Variants in MKLN1 observed in about 807,000 individuals in gnomAD.
MKLN1 encodes the protein muskelin 1, also known as muskelin.
Under a neutral mutation model 99.0 loss-of-function variants are expected in MKLN1, and 18 were observed. That is an observed-to-expected ratio of 0.18 (90% CI 0.13 to 0.27). The LOEUF is 0.27. MKLN1 is among the 10% of genes least tolerant of loss of function. MKLN1 has a pLI of 1.00. For missense variants in MKLN1, 621 were observed against 875.9 expected (o/e 0.71, Z 3.67); for synonymous variants, 288 against 293.2 (o/e 0.98, Z 0.18).
chr7:131,466,678 C>T (rs1271673339), intron 15 of MKLN1, among the ~76,000 whole-genome samples: 2 of 152,196 alleles, frequency 1.3e-5, no homozygotes, highest in Non-Finnish European at 2.9e-5. Flanking sequence ...GACATGCCTA[C>T]ATTGAAGTAA....
intron 2 of MKLN1, among the ~76,000 whole-genome samples, chr7:131,164,059 A>G (rs1408305418): frequency 6.6e-6 from 1 of 152,174 alleles, no homozygotes; most frequent in Non-Finnish European, 1.5e-5. Context: ...ATTAGGGGCT[A>G]AAAATGTTGC....
intron 2 of MKLN1, among the ~76,000 whole-genome samples, chr7:131,189,287 AT>A (rs561646149): frequency 2.0e-5 from 3 of 152,056 alleles, no homozygotes; most frequent in South Asian, 2.1e-4. Flanking sequence ...ACAGGGGAGA[AT>A]TTTTTTTAAC....
chr7:131,331,419 A>C (rs1267260754), intron 1 of MKLN1, among the ~76,000 whole-genome samples: 1 of 152,212 alleles, frequency 6.6e-6, no homozygotes, highest in Non-Finnish European at 1.5e-5. Flanking sequence ...GATAAATATT[A>C]TTATTCTATT....
At chr7:131,455,712 T>C (rs1306289502) in intron 12 of MKLN1, among the ~76,000 whole-genome samples, 2 of 152,196 alleles carry the variant, frequency 1.3e-5, no homozygotes, top group Non-Finnish European at 2.9e-5. Flanking sequence ...GTTGCAGGTC[T>C]TTTGTCCTTC....
At chr7:131,464,183 G>A (rs1278466729) in intron 13 of MKLN1, 111 bp from the exon 14 acceptor site, 15 of 545,802 alleles carry the variant, frequency 2.7e-5, no homozygotes, top group South Asian at 2.7e-4. Context: ...CGATGTGAAC[G>A]CATTTCTAAA....
intron 16 of MKLN1, among the ~76,000 whole-genome samples, chr7:131,473,181 C>T (rs534907889): frequency 5.9e-5 from 9 of 152,042 alleles, no homozygotes; most frequent in African/African-American, 1.9e-4. Context: ...TGTATACTCA[C>T]GATATTTGTC....
At chr7:131,453,311 A>T (rs1237416625) in intron 12 of MKLN1, among the ~76,000 whole-genome samples, 1 of 152,258 alleles carries the variant, frequency 6.6e-6, no homozygotes, top group Non-Finnish European at 1.5e-5. Flanking sequence ...AATTTGCCAA[A>T]GTACAGACTA....
At chr7:131,185,409 C>G (rs558449313) in intron 2 of MKLN1, among the ~76,000 whole-genome samples, 10 of 130,598 alleles carry the variant, frequency 7.7e-5, no homozygotes, top group Admixed American at 6.0e-4. Flanking sequence ...GAAACCTCGT[C>G]TCTACTAAAA....
chr7:131,135,456 T>C (rs1795635532), intron 1 of MKLN1, among the ~76,000 whole-genome samples: 1 of 152,154 alleles, frequency 6.6e-6, no homozygotes, highest in Non-Finnish European at 1.5e-5. Context: ...TAGGGACGCA[T>C]CAGAGTGAGA....
intron 2 of MKLN1, among the ~76,000 whole-genome samples, chr7:131,161,760 C>G (rs1420837328): frequency 3.3e-5 from 5 of 151,610 alleles, no homozygotes; most frequent in South Asian, 4.2e-4. Context: ...ACCGTGGTCT[C>G]GATCTCCTGA....
chr7:131,221,013 T>C (rs770329912), intron 3 of MKLN1, among the ~76,000 whole-genome samples: 7 of 152,234 alleles, frequency 4.6e-5, no homozygotes, highest in South Asian at 2.1e-4. Context: ...TTCATGCATA[T>C]GAAGTCAATT....
At chr7:131,470,333 C>G (rs1796783908) in intron 15 of MKLN1, among the ~76,000 whole-genome samples, 1 of 152,198 alleles carries the variant, frequency 6.6e-6, no homozygotes. Flanking sequence ...GAGACATGGA[C>G]ATAATCTCAT....
In MKLN1 at chr7:131,131,663, A is replaced by G. The variant is rs532035924; in HGVS notation, c.-418-11157A>G. ...CACAGAAAGTCTGGTTTCAGAAGCCATATGCTTAACTATTATACTAAAGTA... is the reference window on the plus strand; with the variant it reads ...CACAGAAAGTCTGGTTTCAGAAGCCGTATGCTTAACTATTATACTAAAGTA... On this transcript the variant is annotated intron_variant, in intron 1 of 7. Transcript: ENST00000416992. 8.5e-5 allele frequency among the ~76,000 whole-genome samples: 13 copies of G among 152,306 alleles called. No individual in the cohort carries two copies. The South Asian group carries it at 2.5e-3, about 29-fold the overall frequency.
chr7:131,481,526 G>A (rs1234689047), intron 17 of MKLN1, among the ~76,000 whole-genome samples: 3 of 152,058 alleles, frequency 2.0e-5, no homozygotes, highest in African/African-American at 4.8e-5. Flanking sequence ...AACATAGCAG[G>A]ATCTTGTCTC....
At chr7:131,444,758 AGAAGAAGTAGT>A (rs1563351965) in intron 11 of MKLN1, among the ~76,000 whole-genome samples, 3 of 75,028 alleles carry the variant, frequency 4.0e-5, no homozygotes, top group Non-Finnish European at 8.0e-5. Flanking sequence ...TAGTAGTAGT[AGAAGAAGTAGT>A]AGTAGTAGTA....
chr7:131,202,146 C>CTTTTTTT lies in MKLN1; in HGVS notation c.-296-685_-296-679dup, dbSNP rs58800874. Among the ~76,000 whole-genome samples, 82 of 60,272 alleles carry CTTTTTTT rather than the reference C, an allele frequency of 1.4e-3. 1 individual carries two copies. The highest frequency in any genetic ancestry group is 2.7e-3 in the East Asian group (6 of 2,244). The allele number at this position is 60,272 out of a possible 152,430, so 39.5% of individuals were successfully genotyped here. A position where few individuals can be genotyped will look rare whatever the true frequency, so the allele number is the denominator to read the frequency against. On this transcript the variant is annotated intron_variant, in intron 2 of 7. Transcript: ENST00000416992. ...GGTTTCTCCACTTTGGCACTATTGA[C>CTTTTTTT]TTTTTTTTTTTTTTTTTTTTTTTTT...
chr7:131,438,185 C>T (rs1489849563), intron 10 of MKLN1, among the ~76,000 whole-genome samples, 188 bp downstream of exon 10: 2 of 151,784 alleles, frequency 1.3e-5, no homozygotes, highest in Non-Finnish European at 2.9e-5. Flanking sequence ...TTGTTTGTTG[C>T]AGGGTAGAAT....
chr7:131,275,946 T>A (rs1422786359), intron 3 of MKLN1, among the ~76,000 whole-genome samples: 32 of 151,948 alleles, frequency 2.1e-4, no homozygotes, highest in Non-Finnish European at 5.9e-5. Flanking sequence ...GGAGGTTGGG[T>A]CAGAAAGAAG....
intron 2 of MKLN1, among the ~76,000 whole-genome samples, chr7:131,376,342 TAAAAAAAAA>T (rs35692782): frequency 7.6e-6 from 1 of 131,522 alleles, no homozygotes; most frequent in African/African-American, 2.8e-5. Context: ...TGATCTATGT[TAAAAAAAAA>T]AAAAAAAAAT....
Sources: allele counts gnomAD v4.1 joint callset (sites outside exome capture counted in the v4.1 genomes callset), GRCh38; gene constraint gnomAD v4.1.1; transcripts MANE v1.5; gene names NCBI Gene and HGNC (gene_info 2026-07-23, HGNC 2026-07-21).